The following CEP170 variants were observed in gnomAD, a reference collection of about 807,000 sequenced individuals.
CEP170 encodes centrosomal protein of 170 kDa.
A neutral mutation model predicts 151.9 loss-of-function variants in CEP170; 21 were observed. That is an observed-to-expected ratio of 0.14 (90% CI 0.10 to 0.20). The LOEUF (loss-of-function observed/expected upper bound fraction) is 0.20, where lower values mean the gene tolerates loss of function less well. Among genes scored for constraint, CEP170 ranks in the 10% least tolerant of loss-of-function variants. The probability of loss-of-function intolerance (pLI) is 1.00; values close to 1 mark genes in which losing one functional copy is unlikely to be tolerated. For missense variants in CEP170, 964 were observed against 1,892.9 expected (o/e 0.51, Z 9.11); for synonymous variants, 356 against 648.8 (o/e 0.55, Z 6.86).
At chr1:243,251,542 A>G (rs2065939190) in intron 1 of CEP170, among the ~76,000 whole-genome samples, 1 of 152,200 alleles carries the variant, frequency 6.6e-6, no homozygotes, top group Admixed American at 6.5e-5. Flanking sequence ...AAATACACAC[A>G]CACCACACAC....
chr1:243,161,096 G>A (rs2148506377), intron 13 of CEP170, among the ~76,000 whole-genome samples: 1 of 148,430 alleles, frequency 6.7e-6, no homozygotes, highest in East Asian at 2.0e-4. Context: ...GCTGACACGG[G>A]AGGACCGACC....
intron 14 of CEP170, among the ~76,000 whole-genome samples, chr1:243,150,955 A>G (rs2057011238): frequency 6.6e-6 from 1 of 152,090 alleles, no homozygotes; most frequent in Admixed American, 6.5e-5. Context: ...GACCAAGAAT[A>G]TGGTCTGAGT....
chr1:243,126,796 G>A (rs2053745792), intron 19 of CEP170, 58 bp from the exon 20 acceptor site: 1 of 1,460,858 alleles, frequency 6.8e-7, no homozygotes, highest in Non-Finnish European at 9.1e-7. Flanking sequence ...TATAAACACT[G>A]TTCATGATTT....
chr1:243,231,057 A>G (rs1464481080), intron 1 of CEP170, among the ~76,000 whole-genome samples: 1 of 151,648 alleles, frequency 6.6e-6, no homozygotes, highest in South Asian at 2.1e-4. Flanking sequence ...CTCAGAAACT[A>G]TGGAGACTAG....
rs1209634811 is a variant in CEP170 at position 243,255,235 on chromosome 1, G to C, written c.-237C>G. The C allele has an allele frequency of 6.5e-6, 1 of 152,812 alleles. No individual in the cohort carries two copies. Among genetic ancestry groups the C allele is most frequent in the Non-Finnish European group, 1.5e-5 (1 of 68,158 alleles). 9.5% of individuals were successfully genotyped at this position (152,812 alleles called of 1,614,324 possible). On this transcript the variant is annotated 5_prime_UTR_variant, in exon 1 of 20. Transcript: ENST00000366542. Reference sequence around the variant, plus strand: ...ATTCCACACACGCCCCACACATAGCGGTAACGGCAAAGACCGACTGCCTAG... The same window carrying C: ...ATTCCACACACGCCCCACACATAGCCGTAACGGCAAAGACCGACTGCCTAG...
At chr1:243,156,174 T>C (rs759925484) in intron 14 of CEP170, 47 bp downstream of exon 14, 1 of 1,536,182 alleles carries the variant, frequency 6.5e-7, no homozygotes, top group East Asian at 2.4e-5. Context: ...CAAGTTGTAA[T>C]GTTCATAGAA....
chr1:243,199,513 T>C (rs1291849881), intron 6 of CEP170, among the ~76,000 whole-genome samples: 1 of 152,116 alleles, frequency 6.6e-6, no homozygotes, highest in African/African-American at 2.4e-5. Context: ...GGCATTTTAC[T>C]TGAATTTAGA....
chr1:243,165,286 G>C lies in CEP170; in HGVS notation c.2674C>G (p.Leu892Val). 1 of 1,520,038 alleles carries C rather than the reference G, an allele frequency of 6.6e-7. No individual in the cohort carries two copies. The highest frequency in any genetic ancestry group is 8.8e-7 in the Non-Finnish European group (1 of 1,133,076). 94.2% of individuals were successfully genotyped at this position (1,520,038 alleles called of 1,614,324 possible). A position where few individuals can be genotyped will look rare whatever the true frequency, so the allele number is the denominator to read the frequency against. ...ACTGCTTCTGTGTCTTTTAGAATAA[G>C]GGTTGTGTCCATACTAGAATCAGGA... Reference protein sequence around the residue: ...LDPDSSMDTTLILKDTEAVMA... With the variant: ...LDPDSSMDTTVILKDTEAVMA... The change falls in exon 13 of 20, where the codon CTT becomes GTT. Residue 892 changes from leucine (L) to valine (V), a missense_variant. Coordinates refer to ENST00000366542, the MANE Select transcript of CEP170 (RefSeq NM_014812.3).
rs146593947 is a variant in CEP170 at position 243,246,602 on chromosome 1, G to A, written c.-42+8438C>T. The stretch of plus-strand genomic sequence containing the variant: ...TGTAAGTAGATTACATGTTTGAGAA[G>A]ACAGATTCTATGCCACATTAAAAGT... On this transcript the variant is annotated intron_variant, in intron 1 of 19. Transcript: ENST00000366542. 1.6e-4 allele frequency among the ~76,000 whole-genome samples: 24 copies of A among 146,688 alleles called. 1 individual carries two copies. Among genetic ancestry groups the A allele is most frequent in the African/African-American group, 5.2e-4 (21 of 40,470 alleles).
intron 10 of CEP170, among the ~76,000 whole-genome samples, chr1:243,178,963 C>A (rs2486232): frequency 6.6e-6 from 1 of 152,152 alleles, no homozygotes; most frequent in Admixed American, 6.5e-5. Flanking sequence ...CGTGATCACC[C>A]GCCTTGGCCT....
intron 1 of CEP170, among the ~76,000 whole-genome samples, chr1:243,251,052 G>GT (rs1366341328): frequency 6.6e-6 from 1 of 152,156 alleles, no homozygotes; most frequent in African/African-American, 2.4e-5. Flanking sequence ...AGAAAATCTA[G>GT]CTAATATATT....
chr1:243,152,519 C>A (rs1384834361), intron 14 of CEP170, among the ~76,000 whole-genome samples: 4 of 92,594 alleles, frequency 4.3e-5, no homozygotes, highest in East Asian at 3.2e-4. Context: ...CCGCGCCCAG[C>A]CATTTTTTTT....
In CEP170 at chr1:243,152,038, A is replaced by C. The variant is rs140804098; in HGVS notation, c.3911+4183T>G. 6.8e-3 allele frequency among the ~76,000 whole-genome samples: 1,034 copies of C among 152,242 alleles called. 15 individuals carry two copies. The highest frequency in any genetic ancestry group is 0.024 in the African/African-American group (983 of 41,528). On this transcript the variant is annotated intron_variant, in intron 14 of 19. Coordinates refer to ENST00000366542, the MANE Select transcript of CEP170 (RefSeq NM_014812.3). ...GGCATATTTACAGTGTGGTTTACTA[A>C]ATATTTTAAGACCACTGTAGAGACA...
Position 243,185,994 on chromosome 1 carries a change from C to T in CEP170, c.1351G>A (p.Val451Met), listed in dbSNP as rs2059914081. The change falls in exon 10 of 20, where the codon GTG (valine) becomes ATG (methionine). Residue 451 changes from valine to methionine, a missense_variant. Val to Met is a conservative substitution (Grantham distance 21). Coordinates refer to ENST00000366542, the MANE Select transcript of CEP170 (RefSeq NM_014812.3). This position sits in a 1 kb window ranked among gnomAD's most constrained non-coding sequence, Gnocchi z 4.9. ...GCAGTTTGTAGGAAGGGTATTGACA[C>T]CGATGGCTCCTCTGATTTCTGTTTT... Reference protein sequence around the residue: ...LLKQKSEEPSVSIPFLQTALL... With the variant: ...LLKQKSEEPSMSIPFLQTALL... 2 of 1,613,738 alleles carry T rather than the reference C, an allele frequency of 1.2e-6. No individual in the cohort carries two copies. The highest frequency in any genetic ancestry group is 1.3e-5 in the African/African-American group (1 of 75,028).
chr1:243,214,280 GTTT>G (rs758433258), intron 3 of CEP170, among the ~76,000 whole-genome samples: 3 of 100,542 alleles, frequency 3.0e-5, no homozygotes, highest in Non-Finnish European at 1.9e-5. Context: ...AAGCTGTAAA[GTTT>G]TTTTTTTTTT....
In CEP170 at chr1:243,254,723, T is replaced by C. The variant is rs952345858; in HGVS notation, c.-42+317A>G. 4.6e-5 allele frequency among the ~76,000 whole-genome samples: 6 copies of C among 131,700 alleles called. No individual in the cohort carries two copies. In the South Asian group the frequency reaches 1.2e-3, roughly 26 times the overall value. The allele number at this position is 131,700 out of a possible 152,430, so 86.4% of individuals were successfully genotyped here. ...AAAGCTGAAAATGATTCAATGCACT[T>C]AGGGGATGCGGAGGCGGCAGCAAGG... On this transcript the variant is annotated intron_variant, in intron 1 of 19. Transcript: ENST00000366542.
At chr1:243,240,800 C>G (rs1014197403) in intron 1 of CEP170, among the ~76,000 whole-genome samples, 1 of 152,158 alleles carries the variant, frequency 6.6e-6, no homozygotes, top group African/African-American at 2.4e-5. Context: ...TCAAGTGATT[C>G]TCCTGCCTCA....
intron 1 of CEP170, among the ~76,000 whole-genome samples, chr1:243,231,303 C>T (rs1380505627): frequency 1.3e-5 from 2 of 149,922 alleles, no homozygotes; most frequent in Non-Finnish European, 3.0e-5. Flanking sequence ...CAGTGCCCTA[C>T]AAAAAATGTG....
intron 17 of CEP170, among the ~76,000 whole-genome samples, chr1:243,131,000 A>G (rs1053677509): frequency 6.6e-6 from 1 of 152,204 alleles, no homozygotes; most frequent in Non-Finnish European, 1.5e-5. Flanking sequence ...ATGGACTTAT[A>G]CAATAGAGAA....
Sources: allele counts gnomAD v4.1 joint callset (sites outside exome capture counted in the v4.1 genomes callset), GRCh38; gene constraint gnomAD v4.1.1; non-coding constraint Gnocchi (gnomAD v3.1); transcripts MANE v1.5; gene names NCBI Gene and HGNC (gene_info 2026-07-23, HGNC 2026-07-21).